Variants in ACSL3 observed in about 807,000 individuals in gnomAD.
ACSL3 encodes acyl-CoA synthetase long chain family member 3, also known as fatty acid CoA ligase Acsl3.
A neutral mutation model predicts 84.7 loss-of-function variants in ACSL3; 34 were observed. The ratio of observed to expected loss-of-function variants is 0.40; its 90% confidence interval spans 0.31 to 0.53. The LOEUF is 0.53. Ranked by LOEUF, ACSL3 falls within the 20% of genes least tolerant of loss-of-function variation. ACSL3 has a pLI of 0.48. For missense variants in ACSL3, 680 were observed against 873.1 expected, an observed-to-expected ratio of 0.78 and a Z score of 2.79; for synonymous variants, 315 against 299.4, an observed-to-expected ratio of 1.05 and a Z score of -0.54.
intron 1 of ACSL3, among the ~76,000 whole-genome samples, chr2:222,876,284 G>A (rs1043112779): frequency 1.3e-5 from 2 of 152,140 alleles, no homozygotes; most frequent in South Asian, 2.1e-4. Context: ...TTGAGCAAGA[G>A]CTAGTTATTG....
At chr2:222,869,050 T>G (rs1225842199) in intron 1 of ACSL3, among the ~76,000 whole-genome samples, 2 of 152,164 alleles carry the variant, frequency 1.3e-5, no homozygotes, top group Non-Finnish European at 2.9e-5. Flanking sequence ...TGAGTTGACA[T>G]GGTGAAATTC....
intron 5 of ACSL3, chr2:222,917,525 AAAT>A (rs1208850114): frequency 7.9e-5 from 12 of 151,610 alleles, no homozygotes; most frequent in Non-Finnish European, 1.5e-4. Context: ...GGCAGAAAGT[AAAT>A]AAAAATCTAC....
chr2:222,912,768 A>G (rs1228105269), intron 4 of ACSL3, among the ~76,000 whole-genome samples: 2 of 152,196 alleles, frequency 1.3e-5, no homozygotes, highest in African/African-American at 4.8e-5. Flanking sequence ...AGTAGCCACC[A>G]GCTTCACTAC....
At chr2:222,882,335 T>C (rs1210392853) in intron 1 of ACSL3, among the ~76,000 whole-genome samples, 1 of 152,232 alleles carries the variant, frequency 6.6e-6, no homozygotes, top group Non-Finnish European at 1.5e-5. Flanking sequence ...TTGTTCATAG[T>C]TGCCTACCTT....
intron 1 of ACSL3, among the ~76,000 whole-genome samples, chr2:222,884,468 C>G (rs1265942869): frequency 6.6e-6 from 1 of 152,198 alleles, no homozygotes; most frequent in East Asian, 1.9e-4. Flanking sequence ...AAAGTATCAG[C>G]AGAGCTTTGA....
chr2:222,926,957 G>A (rs1276788122), intron 11 of ACSL3, 60 bp from the exon 12 acceptor site: 1 of 1,556,334 alleles, frequency 6.4e-7, no homozygotes, highest in South Asian at 1.2e-5. Flanking sequence ...ATTAGTTTAA[G>A]TGATTTGGAA....
intron 1 of ACSL3, among the ~76,000 whole-genome samples, chr2:222,862,535 A>G (rs1475821664): frequency 6.6e-6 from 1 of 152,144 alleles, no homozygotes; most frequent in African/African-American, 2.4e-5. Context: ...TGCTCCTGAA[A>G]GTGTATTAGA....
At chr2:222,883,290 A>G (rs1022287316) in intron 1 of ACSL3, among the ~76,000 whole-genome samples, 4 of 145,516 alleles carry the variant, frequency 2.7e-5, no homozygotes, top group Non-Finnish European at 3.0e-5. Context: ...AAGCGATTCT[A>G]CTGTGTCAGT....
At position 222,924,770 on chromosome 2, in the gene ACSL3, T is replaced by A. The variant is rs1696830475; in HGVS notation, c.1292+175T>A. Among the ~76,000 whole-genome samples, 4 of 152,138 alleles carry A rather than the reference T, an allele frequency of 2.6e-5. No homozygotes were observed. In the South Asian group the frequency reaches 8.3e-4, roughly 31 times the overall value. On this transcript the variant is annotated intron_variant, in intron 11 of 16. Transcript: ENST00000357430. ...CAGGCGCGGTGGCTCATGCCTGTAA[T>A]CCCAGCACTTTGGGAGGCCGAGGCA...
chr2:222,882,714 A>T (rs1695619132), intron 1 of ACSL3, among the ~76,000 whole-genome samples: 1 of 149,940 alleles, frequency 6.7e-6, no homozygotes, highest in Non-Finnish European at 1.5e-5. Context: ...GCCTTACAGG[A>T]AGGGTGACCA....
Position 222,933,249 on chromosome 2 carries a change from C to G in ACSL3, c.1816C>G (p.Leu606Val). The change falls in exon 15 of 17, where the codon CTA (leucine) becomes GTA (valine). Residue 606 changes from leucine (L) to valine (V), a missense_variant. This residue lies in a region of ACSL3 where 347 missense variants were observed against 525.7 expected (regional missense o/e 0.66). Transcript: ENST00000357430. Reference sequence around the variant, plus strand: ...AGAGGCAGCTTTGAAGAATCTTCCACTAGTAGATAACATTTGTGCATATGC... The same window carrying G: ...AGAGGCAGCTTTGAAGAATCTTCCAGTAGTAGATAACATTTGTGCATATGC... ...KVEAALKNLP[L>V]VDNICAYANS... The G allele has an allele frequency of 1.2e-6, 2 of 1,613,374 alleles. No individual in the cohort carries two copies. The highest frequency in any genetic ancestry group is 8.5e-7 in the Non-Finnish European group (1 of 1,179,656).
At chr2:222,898,645 A>T (rs1325262838) in intron 2 of ACSL3, among the ~76,000 whole-genome samples, 3 of 152,220 alleles carry the variant, frequency 2.0e-5, no homozygotes, top group African/African-American at 7.2e-5. Flanking sequence ...AACACAGTGA[A>T]ACCCTGTCTC....
chr2:222,905,286 G>A (rs1325046102), intron 3 of ACSL3, among the ~76,000 whole-genome samples: 3 of 152,022 alleles, frequency 2.0e-5, no homozygotes, highest in Non-Finnish European at 4.4e-5. Context: ...TCAGTCTCCC[G>A]AGTAGCAGGG....
At chr2:222,863,413 A>G (rs1357689725) in intron 1 of ACSL3, among the ~76,000 whole-genome samples, 1 of 152,230 alleles carries the variant, frequency 6.6e-6, no homozygotes, top group Non-Finnish European at 1.5e-5. Context: ...AGTGTATTTC[A>G]TACTCAGAAT....
chr2:222,862,735 A>G (rs1450611407), intron 1 of ACSL3, among the ~76,000 whole-genome samples: 1 of 152,098 alleles, frequency 6.6e-6, no homozygotes, highest in Non-Finnish European at 1.5e-5. Flanking sequence ...GTAGGATGAC[A>G]TTGGGTGTGG....
At chr2:222,874,091 G>C (rs572586277) in intron 1 of ACSL3, among the ~76,000 whole-genome samples, 1 of 151,716 alleles carries the variant, frequency 6.6e-6, no homozygotes, top group South Asian at 2.1e-4. Context: ...ACGTGATCTT[G>C]GCTCACTGCA....
intron 1 of ACSL3, among the ~76,000 whole-genome samples, chr2:222,883,167 G>GTTTTT (rs71408541): frequency 1.5e-5 from 2 of 135,846 alleles, no homozygotes; most frequent in Admixed American, 7.3e-5. Flanking sequence ...TTTGCTTTCT[G>GTTTTT]TTTTTTTTTT....
At chr2:222,889,558 G>C (rs945573725) in intron 2 of ACSL3, among the ~76,000 whole-genome samples, 1 of 152,170 alleles carries the variant, frequency 6.6e-6, no homozygotes, top group African/African-American at 2.4e-5. Flanking sequence ...ACATTTGTAC[G>C]TGTCCTTTGT....
At chr2:222,929,191 T>G (rs1281881126) in intron 13 of ACSL3, among the ~76,000 whole-genome samples, 2 of 152,230 alleles carry the variant, frequency 1.3e-5, no homozygotes, top group Non-Finnish European at 2.9e-5. Context: ...ACTTGAGAAA[T>G]GTACTAATAA....
Sources: allele counts gnomAD v4.1 joint callset (sites outside exome capture counted in the v4.1 genomes callset), GRCh38; gene constraint gnomAD v4.1.1; regional missense constraint gnomAD v4.1.1; transcripts MANE v1.5; gene names NCBI Gene and HGNC (gene_info 2026-07-23, HGNC 2026-07-21).